Variants in CPED1 observed in about 807,000 individuals in gnomAD.
CPED1 encodes cadherin like and PC-esterase domain containing 1.
In CPED1, 114 loss-of-function variants were observed where a neutral mutation model predicts 128.2. That is an observed-to-expected ratio of 0.89 (90% CI 0.76 to 1.04). The LOEUF is 1.04. CPED1 is among the 50% of genes least tolerant of loss of function. The pLI is 0.00. For missense variants in CPED1, 1,211 were observed against 1,207.1 expected (o/e 1.00, Z -0.05); for synonymous variants, 462 against 426.7 (o/e 1.08, Z -1.02).
At chr7:121,172,661 C>CAGAGATAGATAGATAG (rs1796676424) in intron 16 of CPED1, among the ~76,000 whole-genome samples, 1 of 145,202 alleles carries the variant, frequency 6.9e-6, no homozygotes, top group Non-Finnish European at 1.5e-5. Context: ...TGGATGGATA[C>CAGAGATAGATAGATAG]ATAGATAGAT....
chr7:121,194,048 A>ATAT (rs1396095392), intron 16 of CPED1, among the ~76,000 whole-genome samples: 12 of 47,456 alleles, frequency 2.5e-4, no homozygotes, highest in African/African-American at 9.8e-4. Flanking sequence ...ATATATATAT[A>ATAT]TTTTTTTTTT....
At chr7:121,066,545 A>G (rs575003400) in intron 5 of CPED1, among the ~76,000 whole-genome samples, 17 of 152,046 alleles carry the variant, frequency 1.1e-4, no homozygotes, top group Non-Finnish European at 2.1e-4. Context: ...AACACTTAAT[A>G]TTTTCTCCCT....
At chr7:121,119,077 G>A (rs949084425) in intron 7 of CPED1, among the ~76,000 whole-genome samples, 16 of 151,142 alleles carry the variant, frequency 1.1e-4, no homozygotes, top group African/African-American at 3.9e-4. Context: ...GATTTGTAAT[G>A]TATTTCTCTT....
chr7:121,000,180 A>AT (rs1429126969), intron 2 of CPED1, among the ~76,000 whole-genome samples: 1 of 152,022 alleles, frequency 6.6e-6, no homozygotes, highest in Non-Finnish European at 1.5e-5. Context: ...TCCTTTAGAT[A>AT]TTTTTTCCAA....
chr7:121,030,179 C>G (rs1418502131), intron 3 of CPED1, among the ~76,000 whole-genome samples: 1 of 152,070 alleles, frequency 6.6e-6, no homozygotes, highest in Admixed American at 6.5e-5. Context: ...TAGACACACA[C>G]ATTTATGTTC....
At chr7:121,194,655 G>A (rs1466426645) in intron 16 of CPED1, among the ~76,000 whole-genome samples, 1 of 152,132 alleles carries the variant, frequency 6.6e-6, no homozygotes, top group African/African-American at 2.4e-5. Flanking sequence ...GAATTCAAAT[G>A]TGTGTATTGG....
Position 121,266,311 on chromosome 7 carries a change from A to C in CPED1, c.2395A>C (p.Lys799Gln). The change falls in exon 19 of 23, where the codon AAA (lysine) becomes CAA (glutamine). Residue 799 changes from lysine to glutamine, a missense_variant. Lys to Gln is a moderately conservative substitution (Grantham distance 53, BLOSUM62 1). Coordinates refer to ENST00000310396, the MANE Select transcript of CPED1 (RefSeq NM_024913.5). ...RLNETLQEWQ[K>Q]VHGTKFYHNV... The stretch of plus-strand genomic sequence containing the variant: ...GAATGAAACGTTGCAGGAATGGCAG[A>C]AAGTACATGGCACTAAATTCTATCA... 1.9e-6 allele frequency: 3 copies of C among 1,613,256 alleles called. 1 individual carries two copies. In the Middle Eastern group the frequency reaches 5.0e-4, roughly 267 times the overall value.
chr7:121,091,170 T>C (rs1794563478), intron 5 of CPED1, among the ~76,000 whole-genome samples: 1 of 126,112 alleles, frequency 7.9e-6, no homozygotes, highest in South Asian at 2.5e-4. Context: ...AATACTGCAG[T>C]AACTGAAAAA....
chr7:121,157,013 T>C (rs1481667113), intron 16 of CPED1, among the ~76,000 whole-genome samples: 2 of 152,160 alleles, frequency 1.3e-5, no homozygotes, highest in Non-Finnish European at 2.9e-5. Context: ...TGTTAATCAA[T>C]TGTTTATGTT....
At chr7:121,108,512 T>G (rs566888373) in intron 7 of CPED1, among the ~76,000 whole-genome samples, 1 of 152,232 alleles carries the variant, frequency 6.6e-6, no homozygotes, top group African/African-American at 2.4e-5. Flanking sequence ...ATAATAATCT[T>G]AATTTTTTTC....
At chr7:121,245,671 A>G (rs1798509505) in intron 18 of CPED1, among the ~76,000 whole-genome samples, 1 of 151,856 alleles carries the variant, frequency 6.6e-6, no homozygotes, top group African/African-American at 2.4e-5. Context: ...ACTGATGATC[A>G]TACATGTATG....
intron 3 of CPED1, among the ~76,000 whole-genome samples, chr7:121,037,779 G>GT (rs1792937563): frequency 6.6e-6 from 1 of 152,044 alleles, no homozygotes; most frequent in Non-Finnish European, 1.5e-5. Flanking sequence ...CATGGGATGT[G>GT]TTTTCATTTG....
chr7:120,994,814 CATAA>C (rs1737114375), intron 2 of CPED1, among the ~76,000 whole-genome samples: 1 of 151,890 alleles, frequency 6.6e-6, no homozygotes, highest in Non-Finnish European at 1.5e-5. Flanking sequence ...CAAAGACTGG[CATAA>C]ATACATAAGT....
intron 16 of CPED1, among the ~76,000 whole-genome samples, chr7:121,167,236 A>C (rs940885530): frequency 1.3e-5 from 2 of 152,164 alleles, no homozygotes; most frequent in East Asian, 3.8e-4. Context: ...GTCTGCTTAC[A>C]CTTGTTAATA....
Position 121,140,926 on chromosome 7 carries a change from T to C in CPED1, c.1799T>C (p.Val600Ala), listed in dbSNP as rs775516714. The change falls in exon 15 of 23, where the codon GTC becomes GCC. Residue 600 changes from valine (V) to alanine (A), a missense_variant. Val to Ala is a moderately conservative substitution (Grantham distance 64, BLOSUM62 0). Transcript: ENST00000310396. Reference sequence around the variant, plus strand: ...AAGATCAAAGATTATTACTGTGAAGTCCCATTTGATGTGGTAACAGTGACA... The same window carrying C: ...AAGATCAAAGATTATTACTGTGAAGCCCCATTTGATGTGGTAACAGTGACA... Reference protein sequence around the residue: ...HPKIKDYYCEVPFDVVTVTIG... With the variant: ...HPKIKDYYCEAPFDVVTVTIG... 1 of 1,612,536 alleles carries C rather than the reference T, an allele frequency of 6.2e-7. No individual in the cohort carries two copies. The highest frequency in any genetic ancestry group is 8.5e-7 in the Non-Finnish European group (1 of 1,179,080).
chr7:121,289,404 C>T (rs1451026033), intron 22 of CPED1, among the ~76,000 whole-genome samples: 1 of 152,068 alleles, frequency 6.6e-6, no homozygotes, highest in Non-Finnish European at 1.5e-5. Context: ...TACAAGAATA[C>T]ATTAAAAATG....
At chr7:121,138,404 G>A (rs905609453) in intron 14 of CPED1, among the ~76,000 whole-genome samples, 1 of 152,010 alleles carries the variant, frequency 6.6e-6, no homozygotes, top group Non-Finnish European at 1.5e-5. Flanking sequence ...GCAAACACCA[G>A]GTGTTTTTGG....
At chr7:121,069,158 G>T (rs1391057097) in intron 5 of CPED1, among the ~76,000 whole-genome samples, 3 of 152,088 alleles carry the variant, frequency 2.0e-5, no homozygotes, top group Non-Finnish European at 4.4e-5. Flanking sequence ...CAGTGCCTCT[G>T]TTTGCAAAAT....
intron 11 of CPED1, among the ~76,000 whole-genome samples, chr7:121,128,864 AC>A (rs1317668396): frequency 6.6e-6 from 1 of 152,098 alleles, no homozygotes; most frequent in Non-Finnish European, 1.5e-5. Flanking sequence ...TGCTTATTAT[AC>A]CCTTTTTGTT....
Sources: gnomAD v4.1 joint callset for allele counts (sites outside exome capture counted in the v4.1 genomes callset) on GRCh38, gnomAD v4.1.1 for gene constraint, MANE v1.5 for transcripts, NCBI Gene and HGNC (gene_info 2026-07-23, HGNC 2026-07-21) for gene names.